The following PAICS variants were observed in gnomAD, a reference collection of about 807,000 sequenced individuals.
PAICS encodes phosphoribosylaminoimidazole carboxylase and phosphoribosylaminoimidazolesuccinocarboxamide synthase, also known as bifunctional phosphoribosylaminoimidazole carboxylase/phosphoribosylaminoimidazole succinocarboxamide synthetase.
In PAICS, 33 loss-of-function variants were observed where a neutral mutation model predicts 53.7. That is an observed-to-expected ratio of 0.61 (90% confidence interval 0.47 to 0.82). The LOEUF (loss-of-function observed/expected upper bound fraction) is 0.82. PAICS is among the 40% of genes least tolerant of loss of function. The pLI is 0.00. For synonymous variants in PAICS, 141 were observed against 167.2 expected (o/e 0.84, Z 1.21); for missense variants, 394 against 494.1 (o/e 0.80, Z 1.92).
intron 2 of PAICS, among the ~76,000 whole-genome samples, chr4:56,445,354 T>C (rs1560659524): frequency 6.6e-6 from 1 of 152,142 alleles, no homozygotes; most frequent in Admixed American, 6.6e-5. Context: ...TCCCAGCACC[T>C]TGGGAGACTA....
intron 2 of PAICS, among the ~76,000 whole-genome samples, chr4:56,442,767 T>C (rs1269208252): frequency 6.6e-6 from 1 of 152,210 alleles, no homozygotes; most frequent in Non-Finnish European, 1.5e-5. Context: ...GTAGCACTAA[T>C]CTTTCTTAAA....
intron 8 of PAICS, among the ~76,000 whole-genome samples, chr4:56,454,480 C>G (rs1386072629): frequency 6.6e-6 from 1 of 152,142 alleles, no homozygotes; most frequent in African/African-American, 2.4e-5. Flanking sequence ...CTAAGAAAGA[C>G]TAGTGGTAGT....
the PAICS span, among the ~76,000 whole-genome samples, chr4:56,426,911 T>G: frequency 0.43 from 66,038 of 152,018 alleles, 14,860 homozygotes; most frequent in Non-Finnish European, 0.49. Context: ...ATCCCAACTC[T>G]CCTTAGCCTG....
chr4:56,440,430 G>T (rs186807813), intron 1 of PAICS, among the ~76,000 whole-genome samples: 13 of 152,150 alleles, frequency 8.5e-5, no homozygotes, highest in African/African-American at 3.1e-4. Context: ...ACTAGCTGGT[G>T]ATGTGGCCCC....
chr4:56,436,367 AC>A, intron 1 of PAICS, 39 bp downstream of exon 1: 1 of 1,449,388 alleles, frequency 6.9e-7, no homozygotes, highest in Non-Finnish European at 9.6e-7. Flanking sequence ...GGTCTCCCTG[AC>A]CCCCAGGCCG....
chr4:56,447,013 C>T (rs1194762681), intron 3 of PAICS, 140 bp downstream of exon 3: 2 of 458,630 alleles, frequency 4.4e-6, no homozygotes, highest in Non-Finnish European at 7.5e-6. Flanking sequence ...TTTGTCTTAT[C>T]TAGTTGCCAA....
At chr4:56,427,744 G>T in the PAICS span, among the ~76,000 whole-genome samples, 1 of 152,048 alleles carries the variant, frequency 6.6e-6, no homozygotes, top group African/African-American at 2.4e-5. Flanking sequence ...GCATTGTGGA[G>T]TATGCCTTCC....
the PAICS span, chr4:56,422,297 A>T: frequency 6.6e-6 from 1 of 152,094 alleles, no homozygotes; most frequent in Non-Finnish European, 1.5e-5. Flanking sequence ...TAATCTAAAT[A>T]AATAAAACAC....
chr4:56,427,329 T>C, the PAICS span, among the ~76,000 whole-genome samples: 1 of 152,216 alleles, frequency 6.6e-6, no homozygotes, highest in Non-Finnish European at 1.5e-5. Context: ...TGTATATGTT[T>C]TTATGTGAAC....
intron 1 of PAICS, chr4:56,436,683 T>A: frequency 2.0e-6 from 1 of 509,246 alleles, no homozygotes; most frequent in Non-Finnish European, 3.8e-6. Flanking sequence ...AGAAGGTTAA[T>A]AATTGAAACT....
the PAICS span, among the ~76,000 whole-genome samples, chr4:56,423,833 G>A: frequency 6.6e-6 from 1 of 151,914 alleles, no homozygotes; most frequent in African/African-American, 2.4e-5. Context: ...AGCTAAATAC[G>A]TAAGAAAAAA....
chr4:56,459,440 A>T lies in PAICS; in HGVS notation c.1180A>T (p.Ser394Cys). 6.2e-7 allele frequency: 1 copy of T among 1,609,108 alleles called. No individual in the cohort carries two copies. The highest frequency in any genetic ancestry group is 8.5e-7 in the Non-Finnish European group (1 of 1,176,184). The change falls in exon 9 of 9, where the codon AGC becomes TGC. Residue 394 changes from serine to cysteine, a missense_variant. Ser to Cys is a moderately radical substitution (Grantham distance 112). This residue lies in a region of PAICS where 95 missense variants were observed against 89.3 expected (regional missense o/e 1.06). Transcript: ENST00000512576. ...AQFAAQIFGL[S>C]NHLVWSKLRA... is the part of the protein sequence containing the mutation. Reference sequence around the variant, plus strand: ...ATTTGCTGCTCAGATATTTGGGTTAAGCAACCATTTGGTATGGAGCAAACT... The same window carrying T: ...ATTTGCTGCTCAGATATTTGGGTTATGCAACCATTTGGTATGGAGCAAACT...
chr4:56,441,060 TAGAG>T (rs1377915844), intron 1 of PAICS, among the ~76,000 whole-genome samples: 1 of 152,174 alleles, frequency 6.6e-6, no homozygotes, highest in Non-Finnish European at 1.5e-5. Context: ...GATTAAGAAA[TAGAG>T]AGGGATGCTT....
At chr4:56,429,528 T>C in the PAICS span, among the ~76,000 whole-genome samples, 5 of 151,868 alleles carry the variant, frequency 3.3e-5, no homozygotes, top group African/African-American at 7.3e-5. Flanking sequence ...AGAAAGAAAA[T>C]GCACATAAGA....
upstream of PAICS, chr4:56,436,128 T>G (rs1244073343): frequency 4.1e-6 from 6 of 1,478,250 alleles, no homozygotes; most frequent in East Asian, 1.5e-4. Context: ...TCGTCCGATA[T>G]CCGCGTTTCA....
the PAICS span, among the ~76,000 whole-genome samples, chr4:56,426,800 G>A: frequency 6.6e-6 from 1 of 151,972 alleles, no homozygotes; most frequent in Non-Finnish European, 1.5e-5. Context: ...ATACCCATAA[G>A]TACGTTCACG....
At chr4:56,439,397 C>T (rs904870393) in intron 1 of PAICS, among the ~76,000 whole-genome samples, 1 of 152,070 alleles carries the variant, frequency 6.6e-6, no homozygotes, top group Non-Finnish European at 1.5e-5. Context: ...CCAACACATC[C>T]GGCTAATTTT....
the PAICS span, chr4:56,419,682 G>A: frequency 1.0e-6 from 1 of 983,496 alleles, no homozygotes; most frequent in Non-Finnish European, 1.2e-6. Flanking sequence ...AAATGAAGGA[G>A]GAAAGCACTG....
At position 56,459,648 on chromosome 4, in the gene PAICS, A is replaced by G. The variant is rs916875777; in HGVS notation, c.*110A>G. ...TTTTAAATTAGAGAACACAAATAAA[A>G]TGTATTAGTGAATAAATGCTTCTCT... On this transcript the variant is annotated 3_prime_UTR_variant, in exon 9 of 9. Coordinates refer to ENST00000512576, the MANE Select transcript of PAICS (RefSeq NM_001079524.2). 2 of 772,614 alleles carry G rather than the reference A, an allele frequency of 2.6e-6. No homozygotes were observed. Among genetic ancestry groups the G allele is most frequent in the African/African-American group, 1.7e-5 (1 of 57,494 alleles). 47.9% of individuals were successfully genotyped at this position (772,614 alleles called of 1,614,324 possible).
Sources: gnomAD v4.1 joint callset for allele counts (sites outside exome capture counted in the v4.1 genomes callset) on GRCh38, gnomAD v4.1.1 for gene constraint, gnomAD v4.1.1 regional missense constraint, MANE v1.5 for transcripts, NCBI Gene and HGNC (gene_info 2026-07-23, HGNC 2026-07-21) for gene names.